SBF2: variants seen among roughly 807,000 people sequenced by gnomAD.
SBF2 encodes the protein myotubularin-related protein 13.
SBF2 carries 112 observed loss-of-function variants against 225.2 expected under a neutral mutation model. The ratio of observed to expected loss-of-function variants is 0.50; its 90% confidence interval spans 0.43 to 0.58. The LOEUF (loss-of-function observed/expected upper bound fraction) is 0.58, where lower values mean the gene tolerates loss of function less well. SBF2 is among the 20% of genes least tolerant of loss of function. The probability of loss-of-function intolerance (pLI) is 0.00; values close to 1 mark genes in which losing one functional copy is unlikely to be tolerated. For synonymous variants in SBF2, 763 were observed against 773.3 expected (o/e 0.99, Z 0.22); for missense variants, 1,996 against 2,206.2 (o/e 0.90, Z 1.91).
At chr11:9,913,198 C>T (rs1862790251) in intron 16 of SBF2, among the ~76,000 whole-genome samples, 1 of 152,070 alleles carries the variant, frequency 6.6e-6, no homozygotes, top group Non-Finnish European at 1.5e-5. Flanking sequence ...GTGGGAGGAC[C>T]ATTTGAGTGG....
At chr11:9,792,694 G>T (rs1852828045) in intron 33 of SBF2, among the ~76,000 whole-genome samples, 1 of 152,088 alleles carries the variant, frequency 6.6e-6, no homozygotes, top group South Asian at 2.1e-4. Flanking sequence ...AGAGGAGGCT[G>T]GGTAGATGAT....
chr11:9,853,562 C>T lies in SBF2; in HGVS notation c.2514G>A (p.Lys838=), dbSNP rs1857113161. Residue 838 remains lysine, a synonymous_variant, in exon 20 of 40, where the codon AAG becomes AAA. Coordinates refer to ENST00000256190, the MANE Select transcript of SBF2 (RefSeq NM_030962.4). ...TESGVTQDHI[K]SLHCMIPGIV... is the part of the protein sequence containing the mutation. ...TACCTGGTATCATGCAATGAAGGCT[C>T]TTGATGTGATCCTGAGTAACTCCAC... 1.2e-6 allele frequency: 2 copies of T among 1,613,946 alleles called. No individual in the cohort carries two copies. The highest frequency in any genetic ancestry group is 1.1e-5 in the South Asian group (1 of 91,076).
chr11:10,189,260 A>G (rs1957064948), intron 2 of SBF2, among the ~76,000 whole-genome samples: 1 of 152,212 alleles, frequency 6.6e-6, no homozygotes, highest in South Asian at 2.1e-4. Flanking sequence ...TTTCTTAAAC[A>G]TCCCATAACT....
At chr11:10,241,492 C>A (rs2135462283) in intron 1 of SBF2, among the ~76,000 whole-genome samples, 1 of 151,902 alleles carries the variant, frequency 6.6e-6, no homozygotes, top group African/African-American at 2.4e-5. Flanking sequence ...AAAAAATATA[C>A]AATAGAGAAG....
At chr11:10,251,018 C>G (rs1043390818) in intron 1 of SBF2, among the ~76,000 whole-genome samples, 2 of 152,054 alleles carry the variant, frequency 1.3e-5, no homozygotes, top group Non-Finnish European at 2.9e-5. Context: ...ATATTTTTTC[C>G]TTATTTATGC....
chr11:10,029,616 C>A, intron 5 of SBF2, 149 bp downstream of exon 5: 1 of 684,486 alleles, frequency 1.5e-6, no homozygotes, highest in Admixed American at 2.1e-5. Context: ...GAAAGCAGAC[C>A]ATGGGGACAA....
In SBF2 at chr11:9,993,061, G is replaced by A; in HGVS notation, c.1096C>T (p.Leu366Phe). 6.2e-7 allele frequency: 1 copy of A among 1,612,544 alleles called. No individual in the cohort carries two copies. The highest frequency in any genetic ancestry group is 8.5e-7 in the Non-Finnish European group (1 of 1,179,628). Residue 366 changes from leucine (L) to phenylalanine (F), a missense_variant, in exon 11 of 40, where the codon CTC becomes TTC. Physicochemically the swap from Leu to Phe is conservative, Grantham distance 22 (BLOSUM62 0). Coordinates refer to ENST00000256190, the MANE Select transcript of SBF2 (RefSeq NM_030962.4). Reference sequence around the variant, plus strand: ...AGGCAGGATCTATATCCTTGGAAGAGTTGTGCAAATAATCTAAGGAAAACG... The same window carrying A: ...AGGCAGGATCTATATCCTTGGAAGAATTGTGCAAATAATCTAAGGAAAACG... ...RAVFLRLFAQ[L>F]FQGYRSCLQL... is the part of the protein sequence containing the mutation.
At chr11:9,894,342 C>G (rs865845176) in intron 17 of SBF2, among the ~76,000 whole-genome samples, 1 of 152,198 alleles carries the variant, frequency 6.6e-6, no homozygotes, top group Admixed American at 6.5e-5. Flanking sequence ...CACGGTGAAA[C>G]CCTGTCTCTA....
At chr11:9,980,945 A>C (rs544084317) in intron 13 of SBF2, among the ~76,000 whole-genome samples, 1 of 152,328 alleles carries the variant, frequency 6.6e-6, no homozygotes, top group East Asian at 1.9e-4. Context: ...AAACCTCTGA[A>C]CTTTACTTTG....
rs189779649 is a variant in SBF2 at position 10,000,752 on chromosome 11, T to A, written c.861+162A>T. ...CTCCTATACTTGCTATATGGCAAAA[T>A]TAATATACAGACTTTTCAATGATAT... On this transcript the variant is annotated intron_variant, in intron 8 of 39. Coordinates refer to ENST00000256190, the MANE Select transcript of SBF2 (RefSeq NM_030962.4). Among the ~76,000 whole-genome samples the A allele has an allele frequency of 6.6e-5, 10 of 152,260 alleles. No individual in the cohort carries two copies. The East Asian group carries it at 1.7e-3, about 26-fold the overall frequency.
intron 2 of SBF2, among the ~76,000 whole-genome samples, chr11:10,096,177 G>A (rs1027892614): frequency 6.6e-6 from 1 of 152,052 alleles, no homozygotes; most frequent in Non-Finnish European, 1.5e-5. Context: ...ATAGATGCTA[G>A]AGGTTTCCTA....
At chr11:9,825,392 G>A (rs1855005010) in intron 28 of SBF2, among the ~76,000 whole-genome samples, 1 of 152,130 alleles carries the variant, frequency 6.6e-6, no homozygotes, top group Non-Finnish European at 1.5e-5. Context: ...CCTGATCTTG[G>A]ACTTCCAGCT....
intron 1 of SBF2, among the ~76,000 whole-genome samples, chr11:10,256,051 A>T (rs1039617060): frequency 2.0e-5 from 3 of 152,216 alleles, no homozygotes; most frequent in Non-Finnish European, 4.4e-5. Context: ...CCAATTGCCA[A>T]ACTATATGCA....
At chr11:10,094,000 A>G (rs1356021605) in intron 2 of SBF2, among the ~76,000 whole-genome samples, 2 of 152,356 alleles carry the variant, frequency 1.3e-5, no homozygotes, top group Non-Finnish European at 2.9e-5. Context: ...AAAATTTGGA[A>G]AGTACTTCTC....
chr11:9,817,282 A>C (rs1462568628), intron 28 of SBF2, among the ~76,000 whole-genome samples: 3 of 152,170 alleles, frequency 2.0e-5, no homozygotes, highest in Admixed American at 6.5e-5. Flanking sequence ...TTTTGATGTA[A>C]ATTCAGGATT....
intron 17 of SBF2, among the ~76,000 whole-genome samples, chr11:9,885,529 G>A (rs1263378249): frequency 6.6e-6 from 1 of 152,076 alleles, no homozygotes; most frequent in African/African-American, 2.4e-5. Flanking sequence ...ATAAGACAGT[G>A]GGTAGAAACA....
chr11:10,291,906 A>C (rs1005284376), intron 1 of SBF2, among the ~76,000 whole-genome samples: 4 of 152,262 alleles, frequency 2.6e-5, no homozygotes, highest in Non-Finnish European at 5.9e-5. Context: ...TGCAGTGAGC[A>C]TCACTTCTGT....
intron 2 of SBF2, among the ~76,000 whole-genome samples, chr11:10,063,341 TATA>T (rs1162264539): frequency 6.8e-4 from 90 of 131,930 alleles, no homozygotes; most frequent in Non-Finnish European, 1.3e-3. Context: ...TATATATATA[TATA>T]TTTTTTTAAT....
intron 16 of SBF2, among the ~76,000 whole-genome samples, chr11:9,915,033 A>C (rs1168445715): frequency 6.6e-6 from 1 of 152,164 alleles, no homozygotes; most frequent in Non-Finnish European, 1.5e-5. Context: ...AAAGAATATA[A>C]GGCTTCAAAA....
Sources: gnomAD v4.1 joint callset for allele counts (sites outside exome capture counted in the v4.1 genomes callset) on GRCh38, gnomAD v4.1.1 for gene constraint, MANE v1.5 for transcripts, NCBI Gene and HGNC (gene_info 2026-07-23, HGNC 2026-07-21) for gene names.